The following GAD2 variants were observed in gnomAD, a reference collection of about 807,000 sequenced individuals.
The protein encoded by GAD2 is 65 kDa glutamic acid decarboxylase.
GAD2 carries 22 observed loss-of-function variants against 80.1 expected under a neutral mutation model. That is an observed-to-expected ratio of 0.27 (90% CI 0.20 to 0.39). GAD2 has a LOEUF of 0.39. GAD2 is among the 10% of genes least tolerant of loss of function. The pLI is 1.00. For missense variants in GAD2, 624 were observed against 738.4 expected, an observed-to-expected ratio of 0.85 and a Z score of 1.80; for synonymous variants, 274 against 256.9, an observed-to-expected ratio of 1.07 and a Z score of -0.64.
At chr10:26,254,881 G>A (rs1844925461) in intron 8 of GAD2, among the ~76,000 whole-genome samples, 1 of 152,236 alleles carries the variant, frequency 6.6e-6, no homozygotes, top group Non-Finnish European at 1.5e-5. Flanking sequence ...GTTGAGACAG[G>A]AGGCAAGGAT....
chr10:26,263,979 T>A (rs909987391), intron 8 of GAD2, among the ~76,000 whole-genome samples: 1 of 152,206 alleles, frequency 6.6e-6, no homozygotes, highest in African/African-American at 2.4e-5. Context: ...TAGGTTTTGT[T>A]ATCAGACAGC....
At chr10:26,296,271 T>A (rs1358051231) in intron 15 of GAD2, among the ~76,000 whole-genome samples, 1 of 152,096 alleles carries the variant, frequency 6.6e-6, no homozygotes, top group African/African-American at 2.4e-5. Context: ...TTTCAACATA[T>A]AAATTTTGGG....
At chr10:26,223,863 A>T in intron 4 of GAD2, 24 bp from the exon 5 acceptor site, 1 of 1,487,068 alleles carries the variant, frequency 6.7e-7, no homozygotes, top group African/African-American at 1.4e-5. Flanking sequence ...GGCAATCCTG[A>T]TTCTGGTATT....
intron 8 of GAD2, among the ~76,000 whole-genome samples, chr10:26,263,429 T>C (rs1845031224): frequency 6.6e-6 from 1 of 152,214 alleles, no homozygotes; most frequent in Admixed American, 6.5e-5. Context: ...TTTGTTAGTT[T>C]ATTTATCTTA....
intron 8 of GAD2, among the ~76,000 whole-genome samples, chr10:26,256,187 A>G (rs937239596): frequency 1.3e-5 from 2 of 152,102 alleles, no homozygotes; most frequent in African/African-American, 4.8e-5. Context: ...TATAAAATCC[A>G]ATATTACATA....
intron 8 of GAD2, among the ~76,000 whole-genome samples, chr10:26,248,706 G>C (rs1844840731): frequency 6.6e-6 from 1 of 152,146 alleles, no homozygotes; most frequent in African/African-American, 2.4e-5. Flanking sequence ...GCCCCACTCA[G>C]CTCTGGGTGA....
Position 26,217,699 on chromosome 10 carries a change from G to T in GAD2, c.136+30G>T, listed in dbSNP as rs935738229. 12 of 1,609,776 alleles carry T rather than the reference G, an allele frequency of 7.5e-6. No homozygotes were observed. The highest frequency in any genetic ancestry group is 1.0e-5 in the Non-Finnish European group (12 of 1,177,990). ...GTGCCCAGGGACCGGGGCGGCCAAG[G>T]TCGGCCCGCGGGGTCCAAGCAGTCT... On this transcript the variant is annotated intron_variant, in intron 2 of 15. Coordinates refer to ENST00000376261, the MANE Select transcript of GAD2 (RefSeq NM_001134366.2). The surrounding 1 kb of genome is among the most constrained non-coding windows in gnomAD (Gnocchi z 4.9).
intron 8 of GAD2, among the ~76,000 whole-genome samples, chr10:26,258,066 G>T (rs1288270543): frequency 6.6e-6 from 1 of 152,206 alleles, no homozygotes; most frequent in Non-Finnish European, 1.5e-5. Context: ...ATCTCAGGAA[G>T]GACTATAATA....
chr10:26,288,179 G>T (rs1006378106), intron 13 of GAD2, among the ~76,000 whole-genome samples: 6 of 152,098 alleles, frequency 3.9e-5, no homozygotes, highest in African/African-American at 1.4e-4. Context: ...GTCCATTCTG[G>T]CAAAAAGATG....
At chr10:26,290,154 C>G (rs925546954) in intron 13 of GAD2, among the ~76,000 whole-genome samples, 6 of 152,124 alleles carry the variant, frequency 3.9e-5, no homozygotes, top group African/African-American at 1.4e-4. Flanking sequence ...TGTTTACTTT[C>G]TCTCTAAAAT....
At chr10:26,232,793 A>G (rs1241955361) in intron 7 of GAD2, among the ~76,000 whole-genome samples, 1 of 152,072 alleles carries the variant, frequency 6.6e-6, no homozygotes, top group Non-Finnish European at 1.5e-5. Flanking sequence ...GTGAGCCGCC[A>G]CGCCCAGACT....
At chr10:26,237,659 A>G (rs1445932956) in intron 7 of GAD2, among the ~76,000 whole-genome samples, 2 of 152,118 alleles carry the variant, frequency 1.3e-5, no homozygotes, top group Non-Finnish European at 2.9e-5. Context: ...TAGATCCTAG[A>G]TTGCTACTTG....
intron 6 of GAD2, among the ~76,000 whole-genome samples, chr10:26,225,263 C>CT (rs1183398407): frequency 3.3e-5 from 5 of 152,176 alleles, no homozygotes; most frequent in Non-Finnish European, 2.9e-5. Flanking sequence ...TCCATCCTGC[C>CT]TTTTTATCAC....
intron 7 of GAD2, among the ~76,000 whole-genome samples, chr10:26,236,014 A>AC (rs1173331671): frequency 1.3e-5 from 2 of 152,160 alleles, no homozygotes; most frequent in Non-Finnish European, 2.9e-5. Flanking sequence ...CCTGGCCCAC[A>AC]CCCACATCCC....
chr10:26,303,790 T>G lies in GAD2; in HGVS notation c.*2829T>G, dbSNP rs1466305376. 1.3e-5 allele frequency: 2 copies of G among 152,232 alleles called. No individual in the cohort carries two copies. The highest frequency in any genetic ancestry group is 4.8e-5 in the African/African-American group (2 of 41,458). The allele number at this position is 152,232 out of a possible 1,614,324, so 9.4% of individuals were successfully genotyped here. ...GAAATCAATTCTGACTGTGTTGCCT[T>G]TATTATCTGGATAATACTGTCTTGT... On this transcript the variant is annotated 3_prime_UTR_variant, in exon 16 of 16. Coordinates refer to ENST00000376261, the MANE Select transcript of GAD2 (RefSeq NM_001134366.2).
At chr10:26,236,266 C>T (rs1844670059) in intron 7 of GAD2, among the ~76,000 whole-genome samples, 1 of 152,038 alleles carries the variant, frequency 6.6e-6, no homozygotes, top group South Asian at 2.1e-4. Context: ...GCTTGAGCCA[C>T]CACATCTTCA....
intron 11 of GAD2, 46 bp from the exon 12 acceptor site, chr10:26,280,963 C>T: frequency 7.4e-7 from 1 of 1,350,972 alleles, no homozygotes; most frequent in Non-Finnish European, 1.1e-6. Context: ...TGCCCTGAGC[C>T]TGTCAGGGTG....
rs115469218 is a variant in GAD2, at chr10:26,295,946, G to A, written c.1584+2955G>A. Among the ~76,000 whole-genome samples the A allele has an allele frequency of 7.8e-3, 1,194 of 152,292 alleles. 19 individuals carry two copies. Among genetic ancestry groups the A allele is most frequent in the African/African-American group, 0.027 (1,132 of 41,552 alleles). The stretch of plus-strand genomic sequence containing the variant: ...AGTGCACAATAGGAACTCAAAAATC[G>A]TTTGTTGAGCTAAAATTGTATCTTA... On this transcript the variant is annotated intron_variant, in intron 15 of 15. Coordinates refer to ENST00000376261, the MANE Select transcript of GAD2 (RefSeq NM_001134366.2).
intron 8 of GAD2, among the ~76,000 whole-genome samples, chr10:26,268,560 A>C (rs1462328016): frequency 6.6e-6 from 1 of 152,140 alleles, no homozygotes; most frequent in Non-Finnish European, 1.5e-5. Flanking sequence ...TTTAGGAAAG[A>C]AGCATTTTTA....
Sources: gnomAD v4.1 joint callset for allele counts (sites outside exome capture counted in the v4.1 genomes callset) on GRCh38, gnomAD v4.1.1 for gene constraint, Gnocchi (gnomAD v3.1) non-coding constraint, MANE v1.5 for transcripts, NCBI Gene and HGNC (gene_info 2026-07-23, HGNC 2026-07-21) for gene names.